LIPJ: variants seen among roughly 807,000 people sequenced by gnomAD.
LIPJ encodes lipase family member J.
In LIPJ, 33 loss-of-function variants were observed where a neutral mutation model predicts 39.8. The observed-to-expected ratio is 0.83, with a 90% CI of 0.63 to 1.11. The LOEUF is 1.11. LIPJ is among the 50% of genes least tolerant of loss of function. LIPJ has a pLI of 0.00. For synonymous variants in LIPJ, 128 were observed against 139.2 expected, an observed-to-expected ratio of 0.92 and a Z score of 0.57; for missense variants, 422 against 427.9, an observed-to-expected ratio of 0.99 and a Z score of 0.12.
At chr10:88,606,707 A>C (rs1851676275) in exon 11 of LIPJ, 7 of 1,613,012 alleles carry the variant, frequency 4.3e-6, no homozygotes, top group Non-Finnish European at 5.9e-6. Context: ...GACAAACATG[A>C]ATGTGGCAAC....
intron 8 of LIPJ, among the ~76,000 whole-genome samples, chr10:88,598,243 G>C (rs1452416858): frequency 6.6e-6 from 1 of 151,988 alleles, no homozygotes; most frequent in Non-Finnish European, 1.5e-5. Context: ...CTTAGAGCCA[G>C]TATGAAAAAC....
intron 8 of LIPJ, among the ~76,000 whole-genome samples, chr10:88,601,747 A>C (rs529926392): frequency 6.6e-6 from 1 of 152,314 alleles, no homozygotes; most frequent in South Asian, 2.1e-4. Context: ...GCTTCTTAAA[A>C]TAATTTTTTT....
At chr10:88,614,233 A>G in the LIPJ span, among the ~76,000 whole-genome samples, 1 of 152,086 alleles carries the variant, frequency 6.6e-6, no homozygotes, top group Non-Finnish European at 1.5e-5. Context: ...ATGTATGGTG[A>G]AATATTTACA....
At chr10:88,607,652 G>A (rs1851700381), downstream of LIPJ, among the ~76,000 whole-genome samples, 1 of 152,154 alleles carries the variant, frequency 6.6e-6, no homozygotes, top group Non-Finnish European at 1.5e-5. Context: ...ATATTCAAGA[G>A]AGTACTAGAA....
intron 3 of LIPJ, 137 bp downstream of exon 3, chr10:88,590,833 G>C: frequency 1.6e-6 from 1 of 608,748 alleles, no homozygotes; most frequent in South Asian, 2.0e-5. Flanking sequence ...CTATTCTATA[G>C]CTTAGTTTCT....
chr10:88,613,800 ATGTG>A, the LIPJ span, among the ~76,000 whole-genome samples: 12 of 74,166 alleles, frequency 1.6e-4, no homozygotes, highest in African/African-American at 3.8e-4. Context: ...ATATATATAT[ATGTG>A]TGTGTGTGTG....
At chr10:88,616,366 C>T in the LIPJ span, among the ~76,000 whole-genome samples, 2 of 152,158 alleles carry the variant, frequency 1.3e-5, no homozygotes, top group African/African-American at 2.4e-5. Context: ...CCCTGGCCTG[C>T]GTCAGGGAGA....
At chr10:88,604,289 C>A (rs1030030796) in intron 9 of LIPJ, among the ~76,000 whole-genome samples, 1 of 152,138 alleles carries the variant, frequency 6.6e-6, no homozygotes, top group African/African-American at 2.4e-5. Context: ...ATCTGCATGT[C>A]ATTGTAAGGA....
exon 11 of LIPJ, chr10:88,606,810 C>A: frequency 6.2e-7 from 1 of 1,612,246 alleles, no homozygotes; most frequent in Non-Finnish European, 8.5e-7. Flanking sequence ...TATTATAAAA[C>A]TATTTCTTAC....
upstream of LIPJ, chr10:88,584,005 A>C (rs1850818523): frequency 6.6e-6 from 1 of 152,328 alleles, no homozygotes; most frequent in Non-Finnish European, 1.5e-5. Flanking sequence ...CAACAAAGGC[A>C]ATGGTAATAC....
At chr10:88,614,632 T>C in the LIPJ span, among the ~76,000 whole-genome samples, 1 of 152,122 alleles carries the variant, frequency 6.6e-6, no homozygotes, top group Admixed American at 6.5e-5. Flanking sequence ...TTACCCAAAT[T>C]GAACTATACA....
chr10:88,595,339 G>C (rs1432764915), intron 6 of LIPJ, among the ~76,000 whole-genome samples: 1 of 151,552 alleles, frequency 6.6e-6, no homozygotes, highest in Non-Finnish European at 1.5e-5. Context: ...CTCTTGCATG[G>C]TACTGTAAAC....
exon 7 of LIPJ, chr10:88,596,311 A>G (rs774515991): frequency 3.3e-6 from 5 of 1,531,606 alleles, no homozygotes; most frequent in Non-Finnish European, 4.4e-6. Context: ...TATCAAAGAT[A>G]GCTGAAAGAA....
exon 9 of LIPJ, chr10:88,602,646 A>G: frequency 6.4e-7 from 1 of 1,574,360 alleles, no homozygotes; most frequent in South Asian, 1.2e-5. Context: ...CATTGGAGTC[A>G]GGTATAACTG....
rs377409087 is a variant in LIPJ, at chr10:88,594,175, T to C, written c.329+31T>C. 4.6e-6 allele frequency: 7 copies of C among 1,528,076 alleles called. No homozygotes were observed. The East Asian group carries it at 9.2e-5, about 20-fold the overall frequency. 94.7% of individuals were successfully genotyped at this position (1,528,076 alleles called of 1,614,324 possible). ...AATAAAATGAAGTAACATTTCATTT[T>C]ATAAGTGTATACAAATTTTTCATTT... On this transcript the variant is annotated intron_variant, in intron 5 of 10. Transcript: ENST00000371939.
intron 8 of LIPJ, among the ~76,000 whole-genome samples, chr10:88,600,651 CA>C (rs1246979280): frequency 6.6e-6 from 1 of 152,152 alleles, no homozygotes; most frequent in East Asian, 1.9e-4. Context: ...TTTCCTGTTT[CA>C]CTCTATGACT....
exon 5 of LIPJ, chr10:88,594,078 G>C (rs1219662674): frequency 3.7e-6 from 6 of 1,612,110 alleles, no homozygotes; most frequent in South Asian, 1.1e-5. Flanking sequence ...GGAAATAGCA[G>C]AGGAAATACC....
the LIPJ span, among the ~76,000 whole-genome samples, chr10:88,613,435 G>A: frequency 3.3e-5 from 5 of 151,608 alleles, no homozygotes; most frequent in African/African-American, 4.8e-5. Context: ...ATGGGGAGGC[G>A]GGGAATGAAA....
chr10:88,595,662 T>TATA (rs1400876405), intron 6 of LIPJ, among the ~76,000 whole-genome samples: 1 of 151,624 alleles, frequency 6.6e-6, no homozygotes, highest in East Asian at 1.9e-4. Context: ...CTATATGATA[T>TATA]ATAATTCTTT....
Sources: gnomAD v4.1 joint callset for allele counts (sites outside exome capture counted in the v4.1 genomes callset) on GRCh38, gnomAD v4.1.1 for gene constraint, MANE v1.5 for transcripts, NCBI Gene and HGNC (gene_info 2026-07-23, HGNC 2026-07-21) for gene names.